UBA5: variants seen among roughly 807,000 people sequenced by gnomAD.
UBA5 encodes the protein ubiquitin-like modifier-activating enzyme 5.
A neutral mutation model predicts 52.9 loss-of-function variants in UBA5; 28 were observed. That is an observed-to-expected ratio of 0.53 (90% CI 0.39 to 0.73). The LOEUF (loss-of-function observed/expected upper bound fraction) is 0.73. Ranked by LOEUF, UBA5 falls within the 30% of genes least tolerant of loss-of-function variation. The pLI is 0.00. For missense variants in UBA5, 388 were observed against 492.7 expected (o/e 0.79, Z 2.01); for synonymous variants, 135 against 162.1 (o/e 0.83, Z 1.27).
intron 1 of UBA5, chr3:132,654,812 C>G (rs1349021375): frequency 6.6e-6 from 1 of 152,168 alleles, no homozygotes; most frequent in Non-Finnish European, 1.5e-5. Context: ...AGAAGCCACA[C>G]AATAAATCGT....
At chr3:132,664,918 C>T (rs556352347) in intron 1 of UBA5, among the ~76,000 whole-genome samples, 11 of 151,938 alleles carry the variant, frequency 7.2e-5, no homozygotes, top group African/African-American at 1.9e-4. Context: ...GGAAAGTTGG[C>T]GGTTGAATTT....
rs143052541 is a variant in UBA5, at chr3:132,672,728, G to A, written c.812+551G>A. Among the ~76,000 whole-genome samples, 182 of 152,194 alleles carry A rather than the reference G, an allele frequency of 1.2e-3. 1 individual carries two copies. Among genetic ancestry groups the A allele is most frequent in the African/African-American group, 3.8e-3 (156 of 41,538 alleles). On this transcript the variant is annotated intron_variant, in intron 8 of 11. Transcript: ENST00000356232. ...AGTGTTAATATAAAACACATTAACA[G>A]TACTTAAAAAAGATTCTTGAAATCT...
At chr3:132,673,107 T>G (rs1938675694) in intron 8 of UBA5, among the ~76,000 whole-genome samples, 1 of 152,238 alleles carries the variant, frequency 6.6e-6, no homozygotes, top group Admixed American at 6.5e-5. Flanking sequence ...TCTAGGGCTA[T>G]TTCATATAAG....
chr3:132,659,662 GT>G, upstream of UBA5: 1 of 1,611,690 alleles, frequency 6.2e-7, no homozygotes, highest in Non-Finnish European at 8.5e-7. Context: ...ACAAGTGCTG[GT>G]TTAGGTAGGC....
chr3:132,674,771 A>G (rs1051183496), intron 8 of UBA5, among the ~76,000 whole-genome samples: 2 of 152,210 alleles, frequency 1.3e-5, no homozygotes, highest in South Asian at 2.1e-4. Context: ...TGATGGTTAC[A>G]TGAAAGGCTC....
At chr3:132,670,098 C>T (rs1938539331) in intron 4 of UBA5, 100 bp from the exon 5 acceptor site, 1 of 638,622 alleles carries the variant, frequency 1.6e-6, no homozygotes, top group Non-Finnish European at 2.8e-6. Context: ...GATGATAGCT[C>T]GCTGTAGCCT....
upstream of UBA5, among the ~76,000 whole-genome samples, chr3:132,656,821 G>T (rs1379322881): frequency 3.3e-5 from 5 of 151,482 alleles, no homozygotes; most frequent in Non-Finnish European, 5.9e-5. Flanking sequence ...AGTCAATTTG[G>T]TGGTGTGAAA....
In UBA5 at chr3:132,660,547, T is replaced by C. The variant is rs1295368564; in HGVS notation, c.10T>C (p.Ser4Pro). The C allele has an allele frequency of 1.6e-5, 25 of 1,548,206 alleles. No individual in the cohort carries two copies. Among genetic ancestry groups the C allele is most frequent in the Non-Finnish European group, 2.1e-5 (24 of 1,146,854 alleles). MAE[S>P]VERLQQRVQE... ...GGCCGGAGTCCCAGCCATGGCGGAG[T>C]CTGTGGAGCGCCTGCAGCAGCGGGT... Residue 4 changes from serine (S) to proline (P), a missense_variant, in exon 1 of 12, where the codon TCT becomes CCT. By Grantham distance (74) the Ser-to-Pro change is moderately conservative. This residue lies in a region of UBA5 where 95 missense variants were observed against 107.0 expected (regional missense o/e 0.89). Transcript: ENST00000356232. The surrounding 1 kb of genome is among the most constrained non-coding windows in gnomAD (Gnocchi z 4.1).
chr3:132,669,072 G>C, intron 4 of UBA5, 145 bp downstream of exon 4: 1 of 551,308 alleles, frequency 1.8e-6, no homozygotes, highest in South Asian at 3.1e-5. Flanking sequence ...TTGGACATGG[G>C]TTGGCAAACT....
At position 132,676,497 on chromosome 3, in the gene UBA5, G is replaced by GAC; in HGVS notation, c.1187_1188dup (p.Leu397ThrfsTer6). The GAC allele has an allele frequency of 6.2e-7, 1 of 1,611,070 alleles. No individual in the cohort carries two copies. The highest frequency in any genetic ancestry group is 2.2e-5 in the East Asian group (1 of 44,766). ...GGAAGATTCTGGTGAAAGCTTGGAA[G>GAC]ACCTCATGGCCAAAATGAAGAATAT... On this transcript the variant is annotated frameshift_variant, in exon 12 of 12. Transcript: ENST00000356232. LOFTEE classifies it high-confidence loss of function. This position sits in a 1 kb window ranked among gnomAD's most constrained non-coding sequence, Gnocchi z 4.1.
upstream of UBA5, among the ~76,000 whole-genome samples, chr3:132,655,670 T>C (rs1207172977): frequency 1.3e-5 from 2 of 152,228 alleles, no homozygotes; most frequent in Non-Finnish European, 2.9e-5. Context: ...TCCTCCATGT[T>C]ACATATCAAC....
chr3:132,671,666 G>T, intron 6 of UBA5, 111 bp from the exon 7 acceptor site: 1 of 829,050 alleles, frequency 1.2e-6, no homozygotes, highest in Non-Finnish European at 1.9e-6. Flanking sequence ...CATTTGTTCT[G>T]AAAATTAATT....
Position 132,660,530 on chromosome 3 carries a change from T to C in UBA5, c.-8T>C, listed in dbSNP as rs1559985687. 1.3e-6 allele frequency: 2 copies of C among 1,547,592 alleles called. No individual in the cohort carries two copies. The highest frequency in any genetic ancestry group is 2.4e-5 in the South Asian group (2 of 83,926). On this transcript the variant is annotated 5_prime_UTR_variant, in exon 1 of 12. Coordinates refer to ENST00000356232, the MANE Select transcript of UBA5 (RefSeq NM_024818.6). The surrounding 1 kb of genome is among the most constrained non-coding windows in gnomAD (Gnocchi z 4.1). Reference sequence around the variant, plus strand: ...GGGCTGGGAGCGTTGGCGGCCGGAGTCCCAGCCATGGCGGAGTCTGTGGAG... The same window carrying C: ...GGGCTGGGAGCGTTGGCGGCCGGAGCCCCAGCCATGGCGGAGTCTGTGGAG...
upstream of UBA5, chr3:132,660,163 A>T: frequency 2.8e-6 from 1 of 362,636 alleles, no homozygotes; most frequent in South Asian, 4.4e-5. This position sits in a 1 kb window ranked among gnomAD's most constrained non-coding sequence, Gnocchi z 4.1. Flanking sequence ...GCCTAAGAAT[A>T]AAAAGACCCT....
chr3:132,657,859 C>G (rs1236485957), upstream of UBA5, among the ~76,000 whole-genome samples: 2 of 144,156 alleles, frequency 1.4e-5, no homozygotes, highest in African/African-American at 5.2e-5. Context: ...TAAAAAAACA[C>G]ATATTCCTTT....
At chr3:132,655,232 T>C (rs1257654337) in intron 1 of UBA5, among the ~76,000 whole-genome samples, 9 of 152,238 alleles carry the variant, frequency 5.9e-5, no homozygotes, top group Admixed American at 5.9e-4. Flanking sequence ...TGGAACACTG[T>C]AATACATTGG....
chr3:132,671,743 T>G (rs1344207287), intron 6 of UBA5, 34 bp from the exon 7 acceptor site: 1 of 1,518,818 alleles, frequency 6.6e-7, no homozygotes, highest in Non-Finnish European at 9.0e-7. Flanking sequence ...CTCTTTTATT[T>G]TTTTTCCTTA....
chr3:132,673,976 A>AT (rs1271319575), intron 8 of UBA5, among the ~76,000 whole-genome samples: 1 of 152,124 alleles, frequency 6.6e-6, no homozygotes, highest in African/African-American at 2.4e-5. Context: ...TATAGTACAC[A>AT]TTTTTTAAAG....
At chr3:132,662,637 TG>T (rs1408306513) in intron 1 of UBA5, among the ~76,000 whole-genome samples, 1 of 152,236 alleles carries the variant, frequency 6.6e-6, no homozygotes, top group African/African-American at 2.4e-5. Flanking sequence ...ACCTGACTTT[TG>T]CTTCAGTTTG....
Sources: gnomAD v4.1 joint callset for allele counts (sites outside exome capture counted in the v4.1 genomes callset) on GRCh38, gnomAD v4.1.1 for gene constraint, gnomAD v4.1.1 regional missense constraint, Gnocchi (gnomAD v3.1) non-coding constraint, MANE v1.5 for transcripts, NCBI Gene and HGNC (gene_info 2026-07-23, HGNC 2026-07-21) for gene names.